The following LRCH2 variants were observed in gnomAD, a reference collection of about 807,000 sequenced individuals.
LRCH2 encodes the protein leucine-rich repeat and calponin homology domain-containing protein 2.
LRCH2 carries 38 observed loss-of-function variants against 68.9 expected under a neutral mutation model. The observed-to-expected ratio is 0.55, with a 90% CI of 0.43 to 0.72. LRCH2 has a LOEUF of 0.72. Ranked by LOEUF, LRCH2 falls within the 30% of genes least tolerant of loss-of-function variation. The pLI is 0.00. For missense variants in LRCH2, 528 were observed against 572.9 expected (o/e 0.92, Z 0.80); for synonymous variants, 191 against 208.1 (o/e 0.92, Z 0.71).
intron 14 of LRCH2, among the ~76,000 whole-genome samples, chrX:115,136,295 T>C (rs954457369): frequency 3.6e-5 from 4 of 110,967 alleles, no homozygotes; most frequent in African/African-American, 1.3e-4. Flanking sequence ...TACCCCCGCC[T>C]CACCCATGCC....
intron 15 of LRCH2, among the ~76,000 whole-genome samples, chrX:115,128,867 C>A (rs782729677): frequency 2.7e-5 from 3 of 111,552 alleles, no homozygotes; most frequent in Non-Finnish European, 3.8e-5. Context: ...TCAGTCCATA[C>A]CACAACATAC....
intron 1 of LRCH2, among the ~76,000 whole-genome samples, chrX:115,206,530 C>T (rs782401305): frequency 6.2e-5 from 7 of 112,514 alleles, no homozygotes; most frequent in African/African-American, 1.3e-4. Flanking sequence ...ATGCTCCTAT[C>T]GCAGGTAACT....
Position 115,165,635 on chromosome X carries a change from C to T in LRCH2, c.1219G>A (p.Val407Ile). The change falls in exon 9 of 21, where the codon GTT (valine) becomes ATT (isoleucine). Residue 407 changes from valine to isoleucine, a missense_variant. Coordinates refer to ENST00000317135, the MANE Select transcript of LRCH2 (RefSeq NM_020871.4). ...GCTACATCTTCTGTGTTGGGGTCAACAAAATCATATACCTCCTGGTCTAGG... is the reference window on the plus strand; with the variant it reads ...GCTACATCTTCTGTGTTGGGGTCAATAAAATCATATACCTCCTGGTCTAGG... ...SQKDQEVYDF[V>I]DPNTEDVAVP... 1.7e-6 allele frequency: 2 copies of T among 1,158,807 alleles called. No homozygotes were observed. Among genetic ancestry groups the T allele is most frequent in the Non-Finnish European group, 2.3e-6 (2 of 864,126 alleles).
intron 14 of LRCH2, among the ~76,000 whole-genome samples, chrX:115,131,010 T>C (rs936970425): frequency 9.0e-6 from 1 of 111,657 alleles, no homozygotes; most frequent in African/African-American, 3.3e-5. Flanking sequence ...CTACTAACTT[T>C]CAGATTATGT....
intron 20 of LRCH2, among the ~76,000 whole-genome samples, chrX:115,119,871 C>T (rs1214105367): frequency 1.8e-5 from 2 of 109,936 alleles, no homozygotes; most frequent in South Asian, 7.9e-4. Flanking sequence ...CACCGCATAC[C>T]TACAACTGTC....
chrX:115,118,887 C>A (rs1208934176), intron 20 of LRCH2, among the ~76,000 whole-genome samples: 3 of 111,028 alleles, frequency 2.7e-5, no homozygotes, highest in African/African-American at 9.9e-5. Context: ...TAAATGTAAT[C>A]CAGCATATAA....
chrX:115,220,372 T>C, intron 1 of LRCH2, among the ~76,000 whole-genome samples: 1 of 112,345 alleles, frequency 8.9e-6, no homozygotes, highest in Admixed American at 9.4e-5. Flanking sequence ...ATTATATTGA[T>C]AAATGTGAGA....
intron 1 of LRCH2, among the ~76,000 whole-genome samples, chrX:115,221,838 G>A (rs2073087008): frequency 9.2e-6 from 1 of 109,180 alleles, no homozygotes; most frequent in African/African-American, 3.3e-5. Context: ...TCACTGTTAT[G>A]TAGAAGATGA....
chrX:115,115,451 AAAG>A (rs1358960443), intron 20 of LRCH2, among the ~76,000 whole-genome samples: 1 of 110,925 alleles, frequency 9.0e-6, no homozygotes, highest in Non-Finnish European at 1.9e-5. Flanking sequence ...TCAATGGGGA[AAAG>A]AAGAGTCTTA....
At chrX:115,122,490 A>G in intron 20 of LRCH2, 37 bp downstream of exon 20, 1 of 1,111,748 alleles carries the variant, frequency 9.0e-7, no homozygotes, top group Non-Finnish European at 1.2e-6. Flanking sequence ...ATAAATTCAA[A>G]TTTAAGTGAT....
rs782713458 is a variant in LRCH2 at position 115,188,818 on chromosome X, G to A, written c.350-448C>T. On this transcript the variant is annotated intron_variant, in intron 1 of 20. Transcript: ENST00000317135. ...TGCACTCCAGCCTGAGTGACAGAGC[G>A]AGACTCTGTCTCAAAAAAAGAAAAA... 2.7e-5 allele frequency among the ~76,000 whole-genome samples: 3 copies of A among 111,737 alleles called. No homozygotes were observed. The East Asian group carries it at 8.5e-4, about 32-fold the overall frequency.
Position 115,230,726 on chromosome X carries a change from G to A in LRCH2, c.349+2967C>T, listed in dbSNP as rs2073147668. On this transcript the variant is annotated intron_variant, in intron 1 of 20. Transcript: ENST00000317135. ...TTTGAGTATTTAGTTCCTAGTTTTGGTTTTGACTTTCTTGACAAGTGGCTT... is the reference window on the plus strand; with the variant it reads ...TTTGAGTATTTAGTTCCTAGTTTTGATTTTGACTTTCTTGACAAGTGGCTT... 2.7e-5 allele frequency among the ~76,000 whole-genome samples: 3 copies of A among 111,717 alleles called. No individual in the cohort carries two copies. In the South Asian group the frequency reaches 1.1e-3, roughly 41 times the overall value.
chrX:115,122,372 T>G (rs1450677121), intron 20 of LRCH2, among the ~76,000 whole-genome samples, 155 bp downstream of exon 20: 2 of 111,655 alleles, frequency 1.8e-5, no homozygotes, highest in African/African-American at 6.5e-5. Context: ...ATTAGATAAC[T>G]GCTACAGTGA....
Position 115,188,231 on chromosome X carries a change from G to A in LRCH2, c.489C>T (p.Asn163=). 1.8e-6 allele frequency: 2 copies of A among 1,121,047 alleles called. No individual in the cohort carries two copies. Among genetic ancestry groups the A allele is most frequent in the Non-Finnish European group, 2.4e-6 (2 of 848,934 alleles). 92.4% of individuals were successfully genotyped at this position (1,121,047 alleles called of 1,213,427 possible). Residue 163 remains asparagine, a synonymous_variant, in exon 2 of 21, where the codon AAC becomes AAT. Coordinates refer to ENST00000317135, the MANE Select transcript of LRCH2 (RefSeq NM_020871.4). The stretch of plus-strand genomic sequence containing the variant: ...TTTTTAAATTGTTTCCTTACCTAAT[G>A]TTAAGGTATGTTAACATCTGCAGAT... ...IKNLQMLTYL[N]ISRNLLSTLP...
At chrX:115,193,837 A>G (rs1240102057) in intron 1 of LRCH2, among the ~76,000 whole-genome samples, 1 of 111,108 alleles carries the variant, frequency 9.0e-6, no homozygotes, top group Non-Finnish European at 1.9e-5. Context: ...AAAGGTGCAA[A>G]CCCCCAAAAA....
At chrX:115,121,628 G>A (rs901998617) in intron 20 of LRCH2, among the ~76,000 whole-genome samples, 1 of 112,376 alleles carries the variant, frequency 8.9e-6, no homozygotes, top group Admixed American at 9.4e-5. Context: ...ACTCCAGCCT[G>A]GGCGACAGCG....
chrX:115,182,929 T>C (rs1556553219), intron 3 of LRCH2, among the ~76,000 whole-genome samples: 1 of 109,341 alleles, frequency 9.1e-6, no homozygotes. Flanking sequence ...TCATTATCTA[T>C]ATTTCTTCAC....
intron 5 of LRCH2, among the ~76,000 whole-genome samples, chrX:115,170,913 A>T (rs2072600082): frequency 1.8e-5 from 2 of 111,784 alleles, no homozygotes; most frequent in Non-Finnish European, 3.8e-5. Flanking sequence ...ATTTTTTGAA[A>T]GGTACGATAT....
intron 1 of LRCH2, among the ~76,000 whole-genome samples, chrX:115,211,957 A>G (rs1424527772): frequency 8.9e-6 from 1 of 112,263 alleles, no homozygotes; most frequent in Non-Finnish European, 1.9e-5. Context: ...TTACTTTTCA[A>G]TATTTTTAAC....
Sources: allele counts gnomAD v4.1 joint callset (sites outside exome capture counted in the v4.1 genomes callset), GRCh38; gene constraint gnomAD v4.1.1; transcripts MANE v1.5; gene names NCBI Gene and HGNC (gene_info 2026-07-23, HGNC 2026-07-21).